The following DYNC1I1 variants were observed in gnomAD, a reference collection of about 807,000 sequenced individuals.
DYNC1I1 encodes cytoplasmic dynein 1 intermediate chain 1.
In DYNC1I1, 43 loss-of-function variants were observed where a neutral mutation model predicts 86.6. The ratio of observed to expected loss-of-function variants is 0.50; its 90% CI spans 0.39 to 0.64. The LOEUF is 0.64. Ranked by LOEUF, DYNC1I1 falls within the 30% of genes least tolerant of loss-of-function variation. DYNC1I1 has a pLI of 0.00. For synonymous variants in DYNC1I1, 262 were observed against 283.7 expected (o/e 0.92, Z 0.77); for missense variants, 604 against 788.8 (o/e 0.77, Z 2.81).
chr7:95,957,218 T>G (rs1792740350), intron 6 of DYNC1I1, among the ~76,000 whole-genome samples: 1 of 152,240 alleles, frequency 6.6e-6, no homozygotes, highest in South Asian at 2.1e-4. Flanking sequence ...CAGCACTCAT[T>G]GGAACTTTCT....
chr7:96,102,718 T>C (rs1276466600), downstream of DYNC1I1, among the ~76,000 whole-genome samples: 2 of 152,182 alleles, frequency 1.3e-5, no homozygotes, highest in African/African-American at 4.8e-5. Context: ...GATGCTATGA[T>C]ATTAATGGTG....
chr7:96,035,561 A>T, intron 12 of DYNC1I1, 58 bp from the exon 13 acceptor site: 1 of 1,512,556 alleles, frequency 6.6e-7, no homozygotes, highest in African/African-American at 1.4e-5. Context: ...TTTCCGTGCT[A>T]TCTTTGGCAT....
intron 6 of DYNC1I1, among the ~76,000 whole-genome samples, chr7:95,897,981 C>T (rs1157423153): frequency 6.6e-6 from 1 of 152,168 alleles, no homozygotes; most frequent in East Asian, 1.9e-4. Flanking sequence ...TTTCCATTTC[C>T]TGAAGCCTGA....
chr7:95,843,879 G>A (rs1268029821), intron 5 of DYNC1I1, among the ~76,000 whole-genome samples: 1 of 152,138 alleles, frequency 6.6e-6, no homozygotes, highest in Non-Finnish European at 1.5e-5. Flanking sequence ...GAAATAACAG[G>A]ATAAAAAGAG....
chr7:95,780,833 G>A (rs1793972657), intron 1 of DYNC1I1, among the ~76,000 whole-genome samples: 1 of 152,152 alleles, frequency 6.6e-6, no homozygotes, highest in African/African-American at 2.4e-5. Flanking sequence ...GTCAGTTGGT[G>A]GGTTTGGATG....
intron 5 of DYNC1I1, among the ~76,000 whole-genome samples, chr7:95,832,275 A>G (rs1322342359): frequency 6.9e-6 from 1 of 145,738 alleles, no homozygotes; most frequent in Non-Finnish European, 1.5e-5. Flanking sequence ...AATTTCATCC[A>G]TGTCCCTACA....
chr7:95,776,967 A>C (rs941964351), intron 1 of DYNC1I1, among the ~76,000 whole-genome samples: 1 of 152,204 alleles, frequency 6.6e-6, no homozygotes, highest in African/African-American at 2.4e-5. Context: ...GGCCATATGG[A>C]GCCAGATAGT....
chr7:96,099,933 G>C (rs777280671), downstream of DYNC1I1, among the ~76,000 whole-genome samples: 25 of 152,166 alleles, frequency 1.6e-4, no homozygotes, highest in Non-Finnish European at 3.1e-4. Context: ...AGGCCACACA[G>C]AAGCTGACCA....
At chr7:95,870,770 A>G (rs1405747193) in intron 6 of DYNC1I1, among the ~76,000 whole-genome samples, 1 of 152,272 alleles carries the variant, frequency 6.6e-6, no homozygotes, top group African/African-American at 2.4e-5. Flanking sequence ...GTCGAAGTTG[A>G]TAAATACTTC....
chr7:95,878,841 A>G (rs559699001), intron 6 of DYNC1I1, among the ~76,000 whole-genome samples: 22 of 151,716 alleles, frequency 1.5e-4, no homozygotes, highest in Non-Finnish European at 2.4e-4. Context: ...GAGAAAATGA[A>G]TTTTCACTTA....
rs1384876654 is a variant in DYNC1I1, at chr7:95,926,565, T to A, written c.491-50947T>A. 7.2e-5 allele frequency among the ~76,000 whole-genome samples: 11 copies of A among 152,318 alleles called. No individual in the cohort carries two copies. In the South Asian group the frequency reaches 2.1e-3, roughly 29 times the overall value. On this transcript the variant is annotated intron_variant, in intron 6 of 16. Coordinates refer to ENST00000447467, the MANE Select transcript of DYNC1I1 (RefSeq NM_001135556.2). ...TGTTTTTTATTTTTAGATGTATTTA[T>A]TTTTTCCCTTTGAGAAGGTACAGTA... is the stretch of plus-strand genomic sequence containing the variant.
At chr7:96,107,145 G>C (rs954320084) in intron 16 of DYNC1I1, among the ~76,000 whole-genome samples, 1 of 151,668 alleles carries the variant, frequency 6.6e-6, no homozygotes, top group Admixed American at 6.6e-5. Flanking sequence ...TCATTCCTCA[G>C]CCTCCCGAGA....
intron 5 of DYNC1I1, among the ~76,000 whole-genome samples, chr7:95,833,965 C>A: frequency 8.5e-6 from 1 of 117,894 alleles, no homozygotes; most frequent in Non-Finnish European, 1.7e-5. Context: ...CCTTTATTTC[C>A]TTGTCCTGCC....
intron 1 of DYNC1I1, among the ~76,000 whole-genome samples, chr7:95,789,047 G>A (rs560029450): frequency 2.6e-5 from 4 of 152,160 alleles, no homozygotes; most frequent in Non-Finnish European, 5.9e-5. Flanking sequence ...GGTTGAAACC[G>A]ACTCTAGCTA....
At chr7:95,855,947 A>C (rs117304485) in intron 5 of DYNC1I1, among the ~76,000 whole-genome samples, 7 of 152,340 alleles carry the variant, frequency 4.6e-5, no homozygotes, top group Non-Finnish European at 1.0e-4. Context: ...TACTACACTT[A>C]GGCTGTACTA....
intron 14 of DYNC1I1, among the ~76,000 whole-genome samples, chr7:96,044,274 A>G (rs186151685): frequency 6.6e-6 from 1 of 152,324 alleles, no homozygotes; most frequent in Admixed American, 6.5e-5. Flanking sequence ...AATAATGGCT[A>G]ATACTTCAGA....
intron 16 of DYNC1I1, among the ~76,000 whole-genome samples, chr7:96,092,532 G>A (rs1246991586): frequency 6.6e-6 from 1 of 152,044 alleles, no homozygotes; most frequent in Non-Finnish European, 1.5e-5. Context: ...GTCAACCCTG[G>A]CTCCATTCTC....
intron 14 of DYNC1I1, among the ~76,000 whole-genome samples, chr7:96,073,603 C>T (rs1790235885): frequency 6.6e-6 from 1 of 152,154 alleles, no homozygotes; most frequent in Non-Finnish European, 1.5e-5. Context: ...ATGAGTCTAT[C>T]TGTATGAAGA....
chr7:96,006,414 C>G (rs530410937), intron 10 of DYNC1I1, among the ~76,000 whole-genome samples: 1 of 152,158 alleles, frequency 6.6e-6, no homozygotes, highest in African/African-American at 2.4e-5. Context: ...TCATGATGAC[C>G]CTTACATGTT....
Sources: gnomAD v4.1 joint callset for allele counts (sites outside exome capture counted in the v4.1 genomes callset) on GRCh38, gnomAD v4.1.1 for gene constraint, MANE v1.5 for transcripts, NCBI Gene and HGNC (gene_info 2026-07-23, HGNC 2026-07-21) for gene names.